Variants in KLHL3 observed in about 807,000 individuals in gnomAD.
KLHL3 encodes the protein kelch-like protein 3.
KLHL3 carries 19 observed loss-of-function variants against 70.5 expected under a neutral mutation model. The observed-to-expected ratio is 0.27, with a 90% CI of 0.19 to 0.40. The LOEUF (loss-of-function observed/expected upper bound fraction) is 0.40. KLHL3 is among the 10% of genes least tolerant of loss of function. KLHL3 has a pLI of 1.00. For synonymous variants in KLHL3, 258 were observed against 290.3 expected (o/e 0.89, Z 1.13); for missense variants, 512 against 771.1 (o/e 0.66, Z 3.98).
chr5:137,664,772 C>A (rs1751571753), intron 6 of KLHL3, among the ~76,000 whole-genome samples: 1 of 151,926 alleles, frequency 6.6e-6, no homozygotes, highest in Admixed American at 6.6e-5. Flanking sequence ...GAGCTGTAAC[C>A]ATGCCACTGC....
At chr5:137,667,127 G>A (rs1751633206) in intron 6 of KLHL3, among the ~76,000 whole-genome samples, 2 of 152,186 alleles carry the variant, frequency 1.3e-5, no homozygotes, top group South Asian at 4.1e-4. Flanking sequence ...ATAAAATTAT[G>A]TTGGAAGGCA....
intron 6 of KLHL3, among the ~76,000 whole-genome samples, chr5:137,669,690 G>A (rs1751703676): frequency 6.6e-6 from 1 of 152,184 alleles, no homozygotes; most frequent in South Asian, 2.1e-4. Context: ...ACATACGGAT[G>A]GAGAATGTCT....
At chr5:137,732,553 T>C (rs542579734) in intron 1 of KLHL3, among the ~76,000 whole-genome samples, 2 of 151,668 alleles carry the variant, frequency 1.3e-5, no homozygotes, top group Non-Finnish European at 2.9e-5. Flanking sequence ...TATAAGGAGA[T>C]AGTTTTAGAT....
intron 1 of KLHL3, chr5:137,720,797 G>A: frequency 3.6e-6 from 5 of 1,394,736 alleles, no homozygotes; most frequent in Admixed American, 3.0e-5. Flanking sequence ...TCATAGCTCA[G>A]CTTCTTCCAC....
chr5:137,707,364 C>T (rs779657878), intron 3 of KLHL3, among the ~76,000 whole-genome samples: 6 of 151,748 alleles, frequency 4.0e-5, no homozygotes, highest in Non-Finnish European at 8.8e-5. Context: ...ACCCAGGAGG[C>T]GAAGGTGGCA....
At chr5:137,663,141 T>C (rs992579141) in intron 6 of KLHL3, among the ~76,000 whole-genome samples, 1 of 133,508 alleles carries the variant, frequency 7.5e-6, no homozygotes, top group Non-Finnish European at 1.5e-5. Context: ...CACTGCAACC[T>C]CCACCTCCCG....
At chr5:137,677,939 TTAATAATAGCAC>T (rs1402348047) in intron 5 of KLHL3, among the ~76,000 whole-genome samples, 1 of 152,148 alleles carries the variant, frequency 6.6e-6, no homozygotes, top group Non-Finnish European at 1.5e-5. Flanking sequence ...CTCCATGAGA[TTAATAATAGCAC>T]TGCAGAAAAG....
rs145862560 is a variant in KLHL3, at chr5:137,618,646, G to C, written c.*3452C>G. On this transcript the variant is annotated 3_prime_UTR_variant, in exon 15 of 15. Transcript: ENST00000309755. ...TAGGACACTATGGGAGTATGTGCTG[G>C]GGGGGCAGGCCTTTCCCTGAGGCTT... The C allele has an allele frequency of 6.6e-6, 1 of 152,012 alleles. No homozygotes were observed. Among genetic ancestry groups the C allele is most frequent in the African/African-American group, 2.4e-5 (1 of 41,368 alleles). 9.4% of individuals were successfully genotyped at this position (152,012 alleles called of 1,614,324 possible). A position where few individuals can be genotyped will look rare whatever the true frequency, so the allele number is the denominator to read the frequency against.
chr5:137,720,393 C>G, intron 2 of KLHL3, 72 bp downstream of exon 2: 1 of 1,584,492 alleles, frequency 6.3e-7, no homozygotes, highest in South Asian at 1.1e-5. Context: ...GTTCTGACTT[C>G]TGTTCTCAGT....
At chr5:137,716,130 A>G (rs1204634740) in intron 2 of KLHL3, among the ~76,000 whole-genome samples, 4 of 152,202 alleles carry the variant, frequency 2.6e-5, no homozygotes, top group African/African-American at 9.6e-5. Context: ...AAAATAGAAT[A>G]TCATTGATCC....
chr5:137,709,163 T>C (rs1224091635), intron 3 of KLHL3, among the ~76,000 whole-genome samples: 1 of 152,222 alleles, frequency 6.6e-6, no homozygotes, highest in Non-Finnish European at 1.5e-5. Context: ...TGAAACTGAA[T>C]GCCAGATATT....
At chr5:137,650,649 A>G (rs34167493) in intron 8 of KLHL3, among the ~76,000 whole-genome samples, 13,801 of 151,974 alleles carry the variant, frequency 0.091, 1,420 homozygotes, top group African/African-American at 0.26. Context: ...GTGAAACCCC[A>G]TCTCTACTAA....
In KLHL3 at chr5:137,714,544, G is replaced by C. The variant is rs964906005; in HGVS notation, c.135-4688C>G. Among the ~76,000 whole-genome samples the C allele has an allele frequency of 2.0e-4, 30 of 152,242 alleles. 1 individual carries two copies. Among genetic ancestry groups the C allele is most frequent in the Admixed American group, 6.5e-4 (10 of 15,290 alleles). ...AAATGAAAGAAGCCAGATACAAAAGGCTACCTATTGTATGATTTTAAAACA... is the reference window on the plus strand; with the variant it reads ...AAATGAAAGAAGCCAGATACAAAAGCCTACCTATTGTATGATTTTAAAACA... On this transcript the variant is annotated intron_variant, in intron 2 of 14. Transcript: ENST00000309755.
At chr5:137,707,059 G>A (rs535947945) in intron 3 of KLHL3, among the ~76,000 whole-genome samples, 3 of 152,266 alleles carry the variant, frequency 2.0e-5, no homozygotes, top group South Asian at 4.1e-4. Context: ...AAGGATGAAC[G>A]GGAGTCAGAC....
intron 1 of KLHL3, among the ~76,000 whole-genome samples, chr5:137,723,760 C>T (rs1753040615): frequency 6.6e-6 from 1 of 152,194 alleles, no homozygotes; most frequent in Non-Finnish European, 1.5e-5. Flanking sequence ...CACACAATGT[C>T]AAACAGAAAG....
chr5:137,693,861 CTTTTT>C (rs35666397), intron 4 of KLHL3, among the ~76,000 whole-genome samples: 1 of 144,090 alleles, frequency 6.9e-6, no homozygotes, highest in African/African-American at 2.5e-5. Context: ...AAAAAGACTT[CTTTTT>C]TTTTTTTTTA....
rs374535554 is a variant in KLHL3, at chr5:137,637,283, C to T, written c.1321+11G>A. ...GGTAGGCCTGGCCACTGGCCACTGC[C>T]GCCTCCTTACCCTCCACAACGCCCA... On this transcript the variant is annotated intron_variant, in intron 11 of 14. Coordinates refer to ENST00000309755, the MANE Select transcript of KLHL3 (RefSeq NM_017415.3). 23 of 1,612,958 alleles carry T rather than the reference C, an allele frequency of 1.4e-5. No individual in the cohort carries two copies. The highest frequency in any genetic ancestry group is 3.3e-5 in the South Asian group (3 of 91,048).
At chr5:137,649,745 A>T (rs141039056) in intron 8 of KLHL3, among the ~76,000 whole-genome samples, 33 of 152,390 alleles carry the variant, frequency 2.2e-4, no homozygotes, top group African/African-American at 7.5e-4. Context: ...ATCCTATGAG[A>T]TAACAAATAT....
intron 3 of KLHL3, among the ~76,000 whole-genome samples, chr5:137,702,560 T>C (rs1345566063): frequency 2.0e-5 from 3 of 151,958 alleles, no homozygotes; most frequent in Non-Finnish European, 4.4e-5. Flanking sequence ...CGCTAAGGAG[T>C]TTAGACTTCA....
Sources: allele counts gnomAD v4.1 joint callset (sites outside exome capture counted in the v4.1 genomes callset), GRCh38; gene constraint gnomAD v4.1.1; transcripts MANE v1.5; gene names NCBI Gene and HGNC (gene_info 2026-07-23, HGNC 2026-07-21).